CAMKMT: variants seen among roughly 807,000 people sequenced by gnomAD.
The protein encoded by CAMKMT is calmodulin-lysine N-methyltransferase.
Under a neutral mutation model 48.0 loss-of-function variants are expected in CAMKMT, and 53 were observed. The observed-to-expected ratio is 1.10, with a 90% CI of 0.89 to 1.39. The LOEUF is 1.39. Among genes scored for constraint, CAMKMT ranks in the 40% most tolerant of loss-of-function variants. The pLI is 0.00. For missense variants in CAMKMT, 428 were observed against 402.7 expected (o/e 1.06, Z -0.54); for synonymous variants, 165 against 152.3 (o/e 1.08, Z -0.61).
chr2:44,505,989 C>T (rs1318144395), intron 3 of CAMKMT, among the ~76,000 whole-genome samples: 1 of 151,984 alleles, frequency 6.6e-6, no homozygotes, highest in Non-Finnish European at 1.5e-5. Flanking sequence ...AGCTCAGCCT[C>T]CCAAGTAGCT....
At chr2:44,721,321 G>A (rs1372291357) in intron 7 of CAMKMT, among the ~76,000 whole-genome samples, 1 of 152,080 alleles carries the variant, frequency 6.6e-6, no homozygotes, top group Non-Finnish European at 1.5e-5. Flanking sequence ...GTTATCACAA[G>A]TAAATATGGA....
intron 3 of CAMKMT, among the ~76,000 whole-genome samples, chr2:44,599,841 A>AATT: frequency 6.6e-6 from 1 of 151,142 alleles, no homozygotes. Context: ...AAAAAAAAAA[A>AATT]GTGTATGTTT....
chr2:44,636,554 A>G (rs930001136), intron 3 of CAMKMT, among the ~76,000 whole-genome samples: 17 of 152,212 alleles, frequency 1.1e-4, no homozygotes, highest in African/African-American at 3.1e-4. Flanking sequence ...GATGGTTTGC[A>G]AGAAGTCAGT....
intron 3 of CAMKMT, among the ~76,000 whole-genome samples, chr2:44,520,169 A>G (rs1671030407): frequency 6.6e-6 from 1 of 152,144 alleles, no homozygotes; most frequent in African/African-American, 2.4e-5. Context: ...CAGTGAGCCA[A>G]GATCACGCCA....
intron 3 of CAMKMT, among the ~76,000 whole-genome samples, chr2:44,594,043 G>A (rs141412661): frequency 3.1e-4 from 47 of 152,102 alleles, no homozygotes; most frequent in African/African-American, 8.9e-4. Flanking sequence ...GATTACAGGC[G>A]TGAGCCACCA....
At chr2:44,395,917 T>C (rs1681794767) in intron 3 of CAMKMT, among the ~76,000 whole-genome samples, 1 of 152,098 alleles carries the variant, frequency 6.6e-6, no homozygotes, top group Non-Finnish European at 1.5e-5. Flanking sequence ...TGTGGCATTA[T>C]TGCAGAAATA....
At chr2:44,386,858 A>G (rs1453589936) in intron 2 of CAMKMT, among the ~76,000 whole-genome samples, 1 of 152,048 alleles carries the variant, frequency 6.6e-6, no homozygotes, top group Non-Finnish European at 1.5e-5. Flanking sequence ...TTCCACTTTT[A>G]TTCCACCATG....
At chr2:44,382,148 G>A (rs916253200) in intron 2 of CAMKMT, among the ~76,000 whole-genome samples, 10 of 151,990 alleles carry the variant, frequency 6.6e-5, no homozygotes, top group Non-Finnish European at 1.2e-4. Context: ...CACCATGTTG[G>A]CCAGGCTGAT....
chr2:44,688,248 T>C (rs1226821586), intron 3 of CAMKMT, among the ~76,000 whole-genome samples: 1 of 152,120 alleles, frequency 6.6e-6, no homozygotes, highest in Non-Finnish European at 1.5e-5. Flanking sequence ...CATTTGTAGA[T>C]GGCCCCAACA....
intron 3 of CAMKMT, among the ~76,000 whole-genome samples, chr2:44,663,485 A>G (rs538800618): frequency 3.9e-5 from 6 of 152,228 alleles, no homozygotes; most frequent in Non-Finnish European, 7.3e-5. Flanking sequence ...TATCTTAACT[A>G]TGGACATTTC....
chr2:44,534,255 C>T (rs748562193), intron 3 of CAMKMT, among the ~76,000 whole-genome samples: 2 of 152,220 alleles, frequency 1.3e-5, no homozygotes, highest in South Asian at 2.1e-4. Flanking sequence ...AAGAGATAGA[C>T]TTCCTATACA....
At chr2:44,549,757 C>T in intron 3 of CAMKMT, 1 of 466,570 alleles carries the variant, frequency 2.1e-6, no homozygotes, top group African/African-American at 2.0e-5. Flanking sequence ...TACATGATGT[C>T]TGTAAACTCC....
At chr2:44,710,476 C>T (rs1182609825) in intron 6 of CAMKMT, among the ~76,000 whole-genome samples, 1 of 152,066 alleles carries the variant, frequency 6.6e-6, no homozygotes, top group Non-Finnish European at 1.5e-5. Flanking sequence ...GAACTCAAAG[C>T]CCCCACACCT....
At chr2:44,678,625 C>A (rs1048257081) in intron 3 of CAMKMT, among the ~76,000 whole-genome samples, 2 of 152,176 alleles carry the variant, frequency 1.3e-5, no homozygotes, top group South Asian at 2.1e-4. Flanking sequence ...CAGCAAAAAA[C>A]GGACAATACT....
chr2:44,400,138 T>G (rs1238969261), intron 3 of CAMKMT, among the ~76,000 whole-genome samples: 1 of 152,208 alleles, frequency 6.6e-6, no homozygotes, highest in African/African-American at 2.4e-5. Flanking sequence ...TGTATTTATA[T>G]TTGATATGTT....
chr2:44,757,564 G>A (rs1374624769), intron 9 of CAMKMT, among the ~76,000 whole-genome samples: 1 of 147,548 alleles, frequency 6.8e-6, no homozygotes, highest in South Asian at 2.1e-4. Flanking sequence ...AGACTATGGG[G>A]GCTTTTTTTT....
At chr2:44,380,179 G>A (rs1680097471) in intron 2 of CAMKMT, among the ~76,000 whole-genome samples, 1 of 151,974 alleles carries the variant, frequency 6.6e-6, no homozygotes, top group Admixed American at 6.6e-5. Flanking sequence ...TACTCAGCAG[G>A]CCATTTTTAG....
At chr2:44,550,920 A>G (rs760032902) in intron 3 of CAMKMT, 3 of 152,324 alleles carry the variant, frequency 2.0e-5, no homozygotes, top group Middle Eastern at 3.4e-3. Context: ...GCTTGAGACT[A>G]AAGTTTTAAA....
At chr2:44,771,913 A>G (rs1187204164) in intron 10 of CAMKMT, 123 bp from the exon 11 acceptor site, 8 of 604,238 alleles carry the variant, frequency 1.3e-5, no homozygotes, top group South Asian at 2.1e-5. Context: ...CTTTTCTGTG[A>G]TTTATTTTTC....
Sources: allele counts gnomAD v4.1 joint callset (sites outside exome capture counted in the v4.1 genomes callset), GRCh38; gene constraint gnomAD v4.1.1; transcripts MANE v1.5; gene names NCBI Gene and HGNC (gene_info 2026-07-23, HGNC 2026-07-21).